The following RTN3 variants were observed in gnomAD, a reference collection of about 807,000 sequenced individuals.
RTN3 encodes the protein reticulon-3.
Under a neutral mutation model 77.8 loss-of-function variants are expected in RTN3, and 49 were observed. The ratio of observed to expected loss-of-function variants is 0.63; its 90% CI spans 0.50 to 0.80. The LOEUF (loss-of-function observed/expected upper bound fraction) is 0.80. Ranked by LOEUF, RTN3 falls within the 30% of genes least tolerant of loss-of-function variation. The pLI is 0.00. For synonymous variants in RTN3, 464 were observed against 446.9 expected (o/e 1.04, Z -0.48); for missense variants, 1,236 against 1,211.9 (o/e 1.02, Z -0.29).
rs539527094 is a variant in RTN3, at chr11:63,696,092, T to TAAA, written c.143-8745_143-8743dup. 1.7e-3 allele frequency among the ~76,000 whole-genome samples: 233 copies of TAAA among 139,348 alleles called. 1 individual carries two copies. The highest frequency in any genetic ancestry group is 5.9e-3 in the African/African-American group (224 of 38,158). 91.4% of individuals were successfully genotyped at this position (139,348 alleles called of 152,430 possible). A position where few individuals can be genotyped will look rare whatever the true frequency, so the allele number is the denominator to read the frequency against. On this transcript the variant is annotated intron_variant, in intron 1 of 8. Transcript: ENST00000377819. The stretch of plus-strand genomic sequence containing the variant: ...TATTAGACCTTTGTTAAGTTTCCTT[T>TAAA]AAAAAAAAAAAAAAAACCTATTTTA...
At chr11:63,741,200 TA>T (rs200889250) in intron 3 of RTN3, among the ~76,000 whole-genome samples, 3,292 of 146,306 alleles carry the variant, frequency 0.023, 59 homozygotes, top group Non-Finnish European at 0.034. Context: ...TTTATTTATT[TA>T]TTTATTTATT....
At chr11:63,742,997 C>T (rs1029750731) in intron 3 of RTN3, among the ~76,000 whole-genome samples, 3 of 152,170 alleles carry the variant, frequency 2.0e-5, no homozygotes, top group African/African-American at 4.8e-5. Flanking sequence ...TCTTCTGCCT[C>T]GGCTTCCCGA....
intron 1 of RTN3, among the ~76,000 whole-genome samples, chr11:63,687,883 A>G (rs995947218): frequency 1.3e-5 from 2 of 152,168 alleles, no homozygotes; most frequent in African/African-American, 4.8e-5. Context: ...ATCAAAGACT[A>G]TTGTTATGCC....
At chr11:63,733,758 G>A (rs939069037) in intron 3 of RTN3, among the ~76,000 whole-genome samples, 1 of 151,488 alleles carries the variant, frequency 6.6e-6, no homozygotes, top group South Asian at 2.1e-4. Context: ...GGCGGTGGTG[G>A]TGTGTGTCTG....
chr11:63,724,963 TG>T (rs1226109918), intron 3 of RTN3, among the ~76,000 whole-genome samples: 7 of 151,710 alleles, frequency 4.6e-5, no homozygotes, highest in Non-Finnish European at 4.4e-5. Flanking sequence ...GTTAAAGTTT[TG>T]TTTTTTTTTT....
At position 63,681,545 on chromosome 11, in the gene RTN3, G is replaced by A; in HGVS notation, c.-92G>A. 7.5e-7 allele frequency: 1 copy of A among 1,341,488 alleles called. No individual in the cohort carries two copies. Among genetic ancestry groups the A allele is most frequent in the Non-Finnish European group, 1.0e-6 (1 of 991,846 alleles). 83.1% of individuals were successfully genotyped at this position (1,341,488 alleles called of 1,614,324 possible). On this transcript the variant is annotated 5_prime_UTR_variant, in exon 1 of 9. Coordinates refer to ENST00000377819, the MANE Select transcript of RTN3 (RefSeq NM_001265589.2). ...CGGAGCAGGCGGAGTAAAGGGACTT[G>A]AGCGAGCCAGTTGCCGGATTATTCT... is the stretch of plus-strand genomic sequence containing the variant.
chr11:63,715,064 G>A (rs910321619), intron 2 of RTN3, among the ~76,000 whole-genome samples: 4 of 152,128 alleles, frequency 2.6e-5, no homozygotes, highest in African/African-American at 7.2e-5. Flanking sequence ...ATATTCTTTG[G>A]TTAGCATTCA....
At chr11:63,726,506 C>T (rs1403544050) in intron 3 of RTN3, among the ~76,000 whole-genome samples, 2 of 152,170 alleles carry the variant, frequency 1.3e-5, no homozygotes, top group African/African-American at 4.8e-5. Context: ...TGTGTTTAAG[C>T]CTCTGTTTAA....
intron 1 of RTN3, among the ~76,000 whole-genome samples, chr11:63,694,017 G>T (rs1941800509): frequency 6.6e-6 from 1 of 152,044 alleles, no homozygotes; most frequent in South Asian, 2.1e-4. Flanking sequence ...CTCCTTAGGA[G>T]GCTGAGGTGG....
chr11:63,729,848 G>T (rs1015592873), intron 3 of RTN3, among the ~76,000 whole-genome samples: 1 of 151,782 alleles, frequency 6.6e-6, no homozygotes, highest in African/African-American at 2.4e-5. Flanking sequence ...GTAGTGCAGT[G>T]AGTGGCATGA....
chr11:63,728,548 C>G (rs901014950), intron 3 of RTN3, among the ~76,000 whole-genome samples: 2 of 152,028 alleles, frequency 1.3e-5, no homozygotes, highest in African/African-American at 4.8e-5. Context: ...TACAGTGTAT[C>G]GTAGTCAAGT....
At chr11:63,722,429 C>T (rs960591830) in intron 3 of RTN3, among the ~76,000 whole-genome samples, 3 of 152,080 alleles carry the variant, frequency 2.0e-5, no homozygotes, top group African/African-American at 4.8e-5. Context: ...CTTAACCTTA[C>T]AATGGTATTG....
intron 1 of RTN3, among the ~76,000 whole-genome samples, chr11:63,682,629 AG>A (rs1386067144): frequency 1.4e-5 from 2 of 145,248 alleles, no homozygotes; most frequent in Non-Finnish European, 3.0e-5. Context: ...AGTATAACAA[AG>A]GGGGGTGTTT....
chr11:63,682,952 TA>T (rs1941142473), intron 1 of RTN3, among the ~76,000 whole-genome samples: 1 of 152,142 alleles, frequency 6.6e-6, no homozygotes, highest in Non-Finnish European at 1.5e-5. Flanking sequence ...AGAGTAGAGA[TA>T]ATTTTGCTCT....
chr11:63,726,233 G>T lies in RTN3; in HGVS notation c.2530+5201G>T, dbSNP rs1341118165. On this transcript the variant is annotated intron_variant, in intron 3 of 8. Transcript: ENST00000377819. ...ACCCGAAGGCACTGGAGGATGAACG[G>T]GAGCAGTCAGATTCTGAAAGAGAGT... Among the ~76,000 whole-genome samples, 5 of 152,176 alleles carry T rather than the reference G, an allele frequency of 3.3e-5. No individual in the cohort carries two copies. In the East Asian group the frequency reaches 7.7e-4, roughly 23 times the overall value.
chr11:63,724,864 G>A (rs996207156), intron 3 of RTN3, among the ~76,000 whole-genome samples: 2 of 151,716 alleles, frequency 1.3e-5, no homozygotes, highest in Admixed American at 1.3e-4. Context: ...TATGATAGTG[G>A]CAGATATCTC....
At position 63,720,010 on chromosome 11, in the gene RTN3, C is replaced by G. The variant is rs747470147; in HGVS notation, c.1508C>G (p.Thr503Arg). The G allele has an allele frequency of 5.4e-5, 87 of 1,613,958 alleles. 1 individual carries two copies. Among genetic ancestry groups the G allele is most frequent in the South Asian group, 1.9e-4 (17 of 91,080 alleles). The change falls in exon 3 of 9, where the codon ACA becomes AGA. Residue 503 changes from threonine to arginine, a missense_variant. Thr to Arg is a moderately conservative substitution (Grantham distance 71). This residue lies in a region of RTN3 where 1,056 missense variants were observed against 990.4 expected (regional missense o/e 1.07). Coordinates refer to ENST00000377819, the MANE Select transcript of RTN3 (RefSeq NM_001265589.2). ...GATAGTTCTGGTGAGTCTGATGACA[C>G]AGTAATAGAGGACATCACAGCAGAT... is the stretch of plus-strand genomic sequence containing the variant. ...EADSSGESDDTVIEDITADTS... is the reference protein window; with the variant it reads ...EADSSGESDDRVIEDITADTS...
Position 63,758,495 on chromosome 11 carries a change from A to G in RTN3, c.*294A>G. The stretch of plus-strand genomic sequence containing the variant: ...CTTTACCTGTAGCTTGAAAGGGGAA[A>G]GATTGGAGGTAAGAGAGAAAATGAA... On this transcript the variant is annotated 3_prime_UTR_variant, in exon 9 of 9. Coordinates refer to ENST00000377819, the MANE Select transcript of RTN3 (RefSeq NM_001265589.2). The G allele has an allele frequency of 1.4e-6, 1 of 698,300 alleles. No individual in the cohort carries two copies. The highest frequency in any genetic ancestry group is 2.3e-6 in the Non-Finnish European group (1 of 438,820). 43.3% of individuals were successfully genotyped at this position (698,300 alleles called of 1,614,324 possible). A position where few individuals can be genotyped will look rare whatever the true frequency, so the allele number is the denominator to read the frequency against.
intron 1 of RTN3, among the ~76,000 whole-genome samples, chr11:63,697,863 CT>C (rs1942045373): frequency 6.6e-6 from 1 of 152,098 alleles, no homozygotes; most frequent in Non-Finnish European, 1.5e-5. Context: ...TATTTTCAGA[CT>C]TTTTTCTTCA....
Sources: gnomAD v4.1 joint callset for allele counts (sites outside exome capture counted in the v4.1 genomes callset) on GRCh38, gnomAD v4.1.1 for gene constraint, gnomAD v4.1.1 regional missense constraint, MANE v1.5 for transcripts, NCBI Gene and HGNC (gene_info 2026-07-23, HGNC 2026-07-21) for gene names.